The following FNDC3A variants were observed in gnomAD, a reference collection of about 807,000 sequenced individuals.
FNDC3A encodes fibronectin type-III domain-containing protein 3A.
A neutral mutation model predicts 148.9 loss-of-function variants in FNDC3A; 32 were observed. The ratio of observed to expected loss-of-function variants is 0.21; its 90% confidence interval spans 0.16 to 0.29. The LOEUF (loss-of-function observed/expected upper bound fraction) is 0.29. Ranked by LOEUF, FNDC3A falls within the 10% of genes least tolerant of loss-of-function variation. The probability of loss-of-function intolerance (pLI) is 1.00; values close to 1 mark genes in which losing one functional copy is unlikely to be tolerated. For missense variants in FNDC3A, 1,191 were observed against 1,452.8 expected (o/e 0.82, Z 2.93); for synonymous variants, 472 against 473.6 (o/e 1.00, Z 0.04).
intron 2 of FNDC3A, among the ~76,000 whole-genome samples, chr13:49,008,250 T>C (rs1482225241): frequency 6.6e-6 from 1 of 151,760 alleles, no homozygotes; most frequent in Non-Finnish European, 1.5e-5. Context: ...GTGTAAAGAG[T>C]GAACCAATAG....
intron 2 of FNDC3A, among the ~76,000 whole-genome samples, chr13:49,050,944 T>G (rs1286638162): frequency 6.6e-6 from 1 of 152,240 alleles, no homozygotes; most frequent in Non-Finnish European, 1.5e-5. Flanking sequence ...GTTTGTTTTG[T>G]CTGATACAAG....
chr13:49,017,939 T>C (rs1369117497), intron 2 of FNDC3A, among the ~76,000 whole-genome samples: 2 of 152,236 alleles, frequency 1.3e-5, no homozygotes, highest in East Asian at 3.8e-4. Context: ...CCCTACTCTC[T>C]TCTGGCTTGT....
rs746032458 is a variant in FNDC3A at position 49,075,374 on chromosome 13, G to A, written c.175+10G>A. On this transcript the variant is annotated intron_variant, in intron 3 of 25. Coordinates refer to ENST00000492622, the MANE Select transcript of FNDC3A (RefSeq NM_001079673.2). ...TTTCAGTGCATTACAGGTAAGAATG[G>A]TAATTGAGAATAATCATTTGAGACC... The A allele has an allele frequency of 6.6e-7, 1 of 1,514,342 alleles. No homozygotes were observed. The highest frequency in any genetic ancestry group is 9.2e-7 in the Non-Finnish European group (1 of 1,092,584). The allele number at this position is 1,514,342 out of a possible 1,614,324, so 93.8% of individuals were successfully genotyped here.
intron 4 of FNDC3A, among the ~76,000 whole-genome samples, chr13:49,122,526 A>C (rs1055935885): frequency 6.6e-6 from 1 of 152,012 alleles, no homozygotes; most frequent in African/African-American, 2.4e-5. Flanking sequence ...AGAAATAAAG[A>C]GTTTTCAAAT....
chr13:49,192,150 C>T (rs1347486713), intron 19 of FNDC3A, among the ~76,000 whole-genome samples: 1 of 152,208 alleles, frequency 6.6e-6, no homozygotes, highest in East Asian at 1.9e-4. Flanking sequence ...ATAACAATTT[C>T]TTTCAACTAT....
chr13:49,136,206 T>C (rs1882346053), intron 5 of FNDC3A, 126 bp from the exon 6 acceptor site: 3 of 795,108 alleles, frequency 3.8e-6, no homozygotes, highest in East Asian at 2.7e-5. Context: ...TGCTTTGTTA[T>C]GCAAAATTCT....
At chr13:49,148,226 C>T (rs1883099383) in intron 8 of FNDC3A, among the ~76,000 whole-genome samples, 1 of 151,972 alleles carries the variant, frequency 6.6e-6, no homozygotes, top group African/African-American at 2.4e-5. Flanking sequence ...GTTTATTTCT[C>T]TATTTTTCTT....
chr13:49,044,709 A>G (rs1021002839), intron 2 of FNDC3A: 1 of 272,192 alleles, frequency 3.7e-6, no homozygotes, highest in Non-Finnish European at 7.7e-6. Flanking sequence ...TTGATTTCTC[A>G]TTTGAATGGT....
Position 49,022,099 on chromosome 13 carries a change from A to G in FNDC3A, c.99+15810A>G, listed in dbSNP as rs1482985510. On this transcript the variant is annotated intron_variant, in intron 2 of 25. Transcript: ENST00000492622. ...CAATGAATAAACCATTTCACAGGTC[A>G]GTAAGTTTCCTTACTTGAGGGCCCT... is the stretch of plus-strand genomic sequence containing the variant. Among the ~76,000 whole-genome samples, 7 of 152,206 alleles carry G rather than the reference A, an allele frequency of 4.6e-5. No homozygotes were observed. The East Asian group carries it at 1.3e-3, about 29-fold the overall frequency.
rs1229800292 is a variant in FNDC3A, at chr13:49,141,692, C to G, written c.819+2887C>G. ...CTTCCTAGATATATACTTAATTTAA[C>G]CCAATGGACAGTTTTTCTCAAGGGT... On this transcript the variant is annotated intron_variant, in intron 7 of 25. Transcript: ENST00000492622. Among the ~76,000 whole-genome samples, 3 of 152,128 alleles carry G rather than the reference C, an allele frequency of 2.0e-5. No individual in the cohort carries two copies. The East Asian group carries it at 5.8e-4, about 29-fold the overall frequency.
chr13:49,174,165 G>A (rs1052425157), intron 11 of FNDC3A, among the ~76,000 whole-genome samples: 2 of 152,148 alleles, frequency 1.3e-5, no homozygotes, highest in African/African-American at 4.8e-5. Flanking sequence ...CATACCTGCA[G>A]AGTTTCCTTT....
chr13:49,016,346 C>T (rs1872776499), intron 2 of FNDC3A, among the ~76,000 whole-genome samples: 4 of 152,080 alleles, frequency 2.6e-5, no homozygotes, highest in East Asian at 1.9e-4. Context: ...GTGTATGTGT[C>T]GAGGAATGTA....
At chr13:49,169,664 C>T (rs1884656371) in intron 10 of FNDC3A, among the ~76,000 whole-genome samples, 1 of 152,178 alleles carries the variant, frequency 6.6e-6, no homozygotes, top group African/African-American at 2.4e-5. Flanking sequence ...AACTGTTCCT[C>T]TTGATTTTAA....
intron 8 of FNDC3A, among the ~76,000 whole-genome samples, chr13:49,161,706 A>G (rs1035742564): frequency 4.6e-5 from 7 of 152,132 alleles, no homozygotes; most frequent in Non-Finnish European, 8.8e-5. Flanking sequence ...AGCATCGATG[A>G]TGTTTACAAT....
chr13:49,110,250 G>T, intron 3 of FNDC3A: 1 of 1,135,242 alleles, frequency 8.8e-7, no homozygotes, highest in South Asian at 1.9e-5. Flanking sequence ...CAGGTCACGT[G>T]ATGACTGTCA....
Position 49,016,042 on chromosome 13 carries a change from A to G in FNDC3A, c.99+9753A>G, listed in dbSNP as rs564696425. On this transcript the variant is annotated intron_variant, in intron 2 of 25. Coordinates refer to ENST00000492622, the MANE Select transcript of FNDC3A (RefSeq NM_001079673.2). ...GAGGATTTTTGCATCAATGTTCATC[A>G]AGGACATTGGTCTAAAATTCTCTTT... 8.0e-3 allele frequency among the ~76,000 whole-genome samples: 1,217 copies of G among 152,316 alleles called. 8 individuals carry two copies. Among genetic ancestry groups the G allele is most frequent in the African/African-American group, 0.028 (1,166 of 41,568 alleles).
At chr13:49,144,025 A>G (rs150981531) in intron 7 of FNDC3A, among the ~76,000 whole-genome samples, 2,390 of 149,452 alleles carry the variant, frequency 0.016, 65 homozygotes, top group African/African-American at 0.055. Flanking sequence ...TACTACTACT[A>G]CTACTACTAA....
intron 2 of FNDC3A, among the ~76,000 whole-genome samples, chr13:49,056,490 A>G (rs1876253722): frequency 6.6e-6 from 1 of 152,260 alleles, no homozygotes; most frequent in South Asian, 2.1e-4. Flanking sequence ...AATTCATGTC[A>G]TTAAGTCACT....
intron 8 of FNDC3A, among the ~76,000 whole-genome samples, chr13:49,151,073 A>G (rs955697796): frequency 1.3e-5 from 2 of 152,084 alleles, no homozygotes; most frequent in African/African-American, 4.8e-5. Flanking sequence ...GATGAAATGT[A>G]TTCACAAAGG....
Sources: gnomAD v4.1 joint callset for allele counts (sites outside exome capture counted in the v4.1 genomes callset) on GRCh38, gnomAD v4.1.1 for gene constraint, MANE v1.5 for transcripts, NCBI Gene and HGNC (gene_info 2026-07-23, HGNC 2026-07-21) for gene names.